The following ZNF541 variants were observed in gnomAD, a reference collection of about 807,000 sequenced individuals.
ZNF541 encodes zinc finger protein 541.
ZNF541 carries 23 observed loss-of-function variants against 123.5 expected under a neutral mutation model. The ratio of observed to expected loss-of-function variants is 0.19; its 90% CI spans 0.13 to 0.26. The LOEUF (loss-of-function observed/expected upper bound fraction) is 0.26, where lower values mean the gene tolerates loss of function less well. Among genes scored for constraint, ZNF541 ranks in the 10% least tolerant of loss-of-function variants. The probability of loss-of-function intolerance (pLI) is 1.00; values close to 1 mark genes in which losing one functional copy is unlikely to be tolerated. For synonymous variants in ZNF541, 751 were observed against 754.5 expected (o/e 1.00, Z 0.08); for missense variants, 1,612 against 1,789.9 (o/e 0.90, Z 1.79).
In ZNF541 at chr19:47,544,111, A is replaced by T; in HGVS notation, c.2403+15T>A. 8 of 1,536,066 alleles carry T rather than the reference A, an allele frequency of 5.2e-6. No individual in the cohort carries two copies. Among genetic ancestry groups the T allele is most frequent in the Non-Finnish European group, 7.0e-6 (8 of 1,137,684 alleles). ...CACTCCACTCTGGTCAGGCCACGTG[A>T]GAGAGAGCTGGTACCTGGATTCTGC... is the stretch of plus-strand genomic sequence containing the variant. On this transcript the variant is annotated intron_variant, in intron 5 of 16. Coordinates refer to ENST00000391901, the MANE Select transcript of ZNF541 (RefSeq NM_001277075.3).
chr19:47,547,886 A>C (rs1970421826), intron 4 of ZNF541, among the ~76,000 whole-genome samples: 1 of 151,864 alleles, frequency 6.6e-6, no homozygotes, highest in Non-Finnish European at 1.5e-5. Flanking sequence ...CTAAAAATAC[A>C]AAAATTAGCC....
rs751958072 is a variant in ZNF541, at chr19:47,521,118, G to A, written c.*106C>T. On this transcript the variant is annotated 3_prime_UTR_variant, in exon 17 of 17. Transcript: ENST00000391901. The surrounding 1 kb of genome is among the most constrained non-coding windows in gnomAD (Gnocchi z 4.2). ...TTTGCAGGCAGGTTGGCCAACAGGG[G>A]ACAGGGAGGGTGGGGGGAGGCAGAG... 25 of 1,406,456 alleles carry A rather than the reference G, an allele frequency of 1.8e-5. No homozygotes were observed. In the East Asian group the frequency reaches 5.3e-4, roughly 30 times the overall value. The allele number at this position is 1,406,456 out of a possible 1,614,324, so 87.1% of individuals were successfully genotyped here. A position where few individuals can be genotyped will look rare whatever the true frequency, so the allele number is the denominator to read the frequency against.
chr19:47,531,514 T>G, intron 12 of ZNF541, 128 bp downstream of exon 12: 1 of 635,972 alleles, frequency 1.6e-6, no homozygotes. Flanking sequence ...CCAAAGCCGC[T>G]GTGGAGGAGG....
chr19:47,521,848 C>A lies in ZNF541; in HGVS notation c.3711+6G>T. The A allele has an allele frequency of 6.4e-7, 1 of 1,551,400 alleles. No individual in the cohort carries two copies. The highest frequency in any genetic ancestry group is 8.7e-7 in the Non-Finnish European group (1 of 1,146,856). ...AGAGCTCCCGACACAGCCCTGGTTCCTCTACCTTTTCCTCTGTCCTTTCCA... is the reference window on the plus strand; with the variant it reads ...AGAGCTCCCGACACAGCCCTGGTTCATCTACCTTTTCCTCTGTCCTTTCCA... On this transcript the variant is annotated splice_donor_region_variant and intron_variant, in intron 15 of 16. Transcript: ENST00000391901. This position sits in a 1 kb window ranked among gnomAD's most constrained non-coding sequence, Gnocchi z 4.2.
intron 14 of ZNF541, among the ~76,000 whole-genome samples, chr19:47,524,523 T>C (rs935810368): frequency 6.6e-6 from 1 of 151,978 alleles, no homozygotes; most frequent in African/African-American, 2.4e-5. Context: ...CTGGCCAACA[T>C]GGGGAAACCC....
chr19:47,548,611 A>G (rs1392405126), intron 4 of ZNF541, among the ~76,000 whole-genome samples: 1 of 152,128 alleles, frequency 6.6e-6, no homozygotes, highest in African/African-American at 2.4e-5. Flanking sequence ...ATAGCTCTAT[A>G]AAGTTAGCCC....
rs1275240105 is a variant in ZNF541 at position 47,549,292 on chromosome 19, C to G, written c.501G>C (p.Lys167Asn). The change falls in exon 4 of 17, where the codon AAG becomes AAC. Residue 167 changes from lysine (K) to asparagine (N), a missense_variant. Physicochemically the swap from Lys to Asn is moderately conservative, Grantham distance 94. Transcript: ENST00000391901. The stretch of plus-strand genomic sequence containing the variant: ...CCTTGCTGCAGATTTTGCAGACGTG[C>G]TTCCTTTCCTGGCTGTGTGTCAGGT... ...KHYLTHSQER[K>N]HVCKICSKAF... The G allele has an allele frequency of 1.9e-6, 3 of 1,551,824 alleles. No individual in the cohort carries two copies. The East Asian group carries it at 7.3e-5, about 38-fold the overall frequency.
chr19:47,544,026 T>C, intron 5 of ZNF541, 100 bp downstream of exon 5: 1 of 1,356,094 alleles, frequency 7.4e-7, no homozygotes, highest in African/African-American at 1.5e-5. Context: ...TAAAATTGCA[T>C]CTGGGGACTC....
intron 2 of ZNF541, among the ~76,000 whole-genome samples, chr19:47,563,940 C>T (rs539645601): frequency 6.6e-5 from 10 of 152,250 alleles, no homozygotes; most frequent in Admixed American, 3.3e-4. Context: ...TTCTCCACAT[C>T]GGGTATCATA....
chr19:47,538,979 C>T (rs1245173024), intron 8 of ZNF541, among the ~76,000 whole-genome samples: 1 of 152,200 alleles, frequency 6.6e-6, no homozygotes, highest in East Asian at 1.9e-4. Flanking sequence ...AGCCCTACTC[C>T]TCCTCATCCT....
At chr19:47,569,927 C>T (rs145750765) in intron 2 of ZNF541, among the ~76,000 whole-genome samples, 68 of 151,930 alleles carry the variant, frequency 4.5e-4, no homozygotes, top group Middle Eastern at 3.4e-3. Flanking sequence ...CAAAGACTCC[C>T]TCCTATAGTC....
intron 2 of ZNF541, among the ~76,000 whole-genome samples, chr19:47,558,410 C>A (rs1295160584): frequency 6.6e-6 from 1 of 151,076 alleles, no homozygotes; most frequent in Non-Finnish European, 1.5e-5. Context: ...AGCGAGACTC[C>A]ATCTCAAAAA....
intron 14 of ZNF541, among the ~76,000 whole-genome samples, chr19:47,525,710 G>C (rs948504309): frequency 6.6e-6 from 1 of 151,824 alleles, no homozygotes; most frequent in African/African-American, 2.4e-5. Flanking sequence ...TCAGGAGATA[G>C]AGACCATCCT....
chr19:47,551,967 C>T (rs1226221968), intron 3 of ZNF541, among the ~76,000 whole-genome samples: 1 of 152,180 alleles, frequency 6.6e-6, no homozygotes, highest in African/African-American at 2.4e-5. Flanking sequence ...AAGTGATTCT[C>T]CTGCGTCAGC....
chr19:47,538,308 T>C lies in ZNF541; in HGVS notation c.2928A>G (p.Ser976=), dbSNP rs2123048117. ...GGAGGCAGTCCACCAGGAACATGGG[T>C]GACCGCAGGCGGCTCTGGTGGCATC... ...PAGCHQSRLR[S]PMFLVDCLLK... The change falls in exon 9 of 17, where the codon TCA becomes TCG. Residue 976 remains serine (S), a synonymous_variant. Coordinates refer to ENST00000391901, the MANE Select transcript of ZNF541 (RefSeq NM_001277075.3). 2 of 1,547,310 alleles carry C rather than the reference T, an allele frequency of 1.3e-6. No homozygotes were observed. Among genetic ancestry groups the C allele is most frequent in the Non-Finnish European group, 1.7e-6 (2 of 1,144,244 alleles).
chr19:47,545,668 G>C lies in ZNF541; in HGVS notation c.861C>G (p.Thr287=), dbSNP rs1311317199. The C allele has an allele frequency of 6.5e-7, 1 of 1,549,314 alleles. No individual in the cohort carries two copies. Among genetic ancestry groups the C allele is most frequent in the Non-Finnish European group, 8.7e-7 (1 of 1,146,798 alleles). The change falls in exon 5 of 17, where the codon ACC becomes ACG. Residue 287 remains threonine, a synonymous_variant. Transcript: ENST00000391901. The surrounding 1 kb of genome is among the most constrained non-coding windows in gnomAD (Gnocchi z 7.5). The part of the protein sequence containing the change: ...RIVSSIVHQK[T]PSPGPAPAGA... ...CCGCCGGGGCTGGGCCAGGAGAAGG[G>C]GTCTTCTGGTGGACGATGCTACTCA...
In ZNF541 at chr19:47,544,546, T is replaced by C. The variant is rs1173937879; in HGVS notation, c.1983A>G (p.Ala661=). The C allele has an allele frequency of 1.6e-5, 25 of 1,551,546 alleles. No homozygotes were observed. Among genetic ancestry groups the C allele is most frequent in the Non-Finnish European group, 1.7e-5 (19 of 1,147,002 alleles). Residue 661 remains alanine, a synonymous_variant, in exon 5 of 17, where the codon GCA becomes GCG. Coordinates refer to ENST00000391901, the MANE Select transcript of ZNF541 (RefSeq NM_001277075.3). ...TCCTGGAAGGGTCCAGAGACGGTGC[T>C]GCAAGGGGCGTTGGAACCGCGGCCA... ...LKVAAVPTPL[A]APSLDPSRNP...
At chr19:47,527,720 A>G (rs1969362583) in intron 14 of ZNF541, among the ~76,000 whole-genome samples, 1 of 146,798 alleles carries the variant, frequency 6.8e-6, no homozygotes, top group Non-Finnish European at 1.5e-5. Context: ...TTTTTTTGAG[A>G]CGGAGTTTCA....
intron 2 of ZNF541, among the ~76,000 whole-genome samples, chr19:47,563,256 C>A (rs182443281): frequency 6.6e-6 from 1 of 152,136 alleles, no homozygotes; most frequent in Admixed American, 6.5e-5. Flanking sequence ...TCAATGCATA[C>A]CCCGTATTTT....
Sources: allele counts gnomAD v4.1 joint callset (sites outside exome capture counted in the v4.1 genomes callset), GRCh38; gene constraint gnomAD v4.1.1; non-coding constraint Gnocchi (gnomAD v3.1); transcripts MANE v1.5; gene names NCBI Gene and HGNC (gene_info 2026-07-23, HGNC 2026-07-21).